The following TREM2 variants were observed in gnomAD, a reference collection of about 807,000 sequenced individuals.
TREM2 encodes triggering receptor expressed on myeloid cells 2, also known as triggering receptor expressed on monocytes 2.
TREM2 carries 20 observed loss-of-function variants against 22.9 expected under a neutral mutation model. The ratio of observed to expected loss-of-function variants is 0.87; its 90% confidence interval spans 0.61 to 1.27. The LOEUF (loss-of-function observed/expected upper bound fraction) is 1.27. TREM2 is among the 50% of genes most tolerant of loss of function. TREM2 has a pLI of 0.00. For missense variants in TREM2, 267 were observed against 289.0 expected, an observed-to-expected ratio of 0.92 and a Z score of 0.55; for synonymous variants, 111 against 120.9, an observed-to-expected ratio of 0.92 and a Z score of 0.54.
intron 3 of TREM2, among the ~76,000 whole-genome samples, chr6:41,159,412 T>A (rs1765500966): frequency 6.6e-6 from 1 of 152,176 alleles, no homozygotes; most frequent in South Asian, 2.1e-4. Context: ...CAGTCAGAAC[T>A]GATTCTGGTC....
intron 1 of TREM2, among the ~76,000 whole-genome samples, chr6:41,162,742 G>T (rs1765600305): frequency 1.3e-5 from 2 of 152,066 alleles, no homozygotes; most frequent in Admixed American, 1.3e-4. Flanking sequence ...TCCCCCAACT[G>T]CCAGCTAGTG....
In TREM2 at chr6:41,159,785, G is replaced by A. The variant is rs746496916; in HGVS notation, c.482+7C>T. 2.4e-5 allele frequency: 39 copies of A among 1,613,458 alleles called. No homozygotes were observed. The highest frequency in any genetic ancestry group is 2.7e-5 in the Non-Finnish European group (32 of 1,179,540). Reference sequence around the variant, plus strand: ...CCACGGGTTTTAGGAAAGACCCATCGCTGTACCTGGAGATGCTGTGCTCCA... The same window carrying A: ...CCACGGGTTTTAGGAAAGACCCATCACTGTACCTGGAGATGCTGTGCTCCA... On this transcript the variant is annotated splice_region_variant and intron_variant, in intron 3 of 4. Coordinates refer to ENST00000373113, the MANE Select transcript of TREM2 (RefSeq NM_018965.4).
chr6:41,161,069 G>A (rs1448926949), intron 2 of TREM2, among the ~76,000 whole-genome samples, 194 bp downstream of exon 2: 3 of 152,190 alleles, frequency 2.0e-5, no homozygotes, highest in Admixed American at 6.5e-5. Flanking sequence ...AAAGGAGTCC[G>A]GGCTGGATTT....
chr6:41,159,947 G>A (rs950036221), intron 2 of TREM2, 65 bp from the exon 3 acceptor site: 34 of 1,421,350 alleles, frequency 2.4e-5, no homozygotes, highest in South Asian at 3.5e-5. Context: ...GAACCTTGGC[G>A]GGAGAACCTT....
rs532907021 is a variant in TREM2 at position 41,160,110 on chromosome 6, G to A, written c.392-228C>T. Among the ~76,000 whole-genome samples the A allele has an allele frequency of 2.7e-4, 41 of 152,270 alleles. No homozygotes were observed. In the South Asian group the frequency reaches 4.6e-3, roughly 17 times the overall value. On this transcript the variant is annotated intron_variant, in intron 2 of 4. Transcript: ENST00000373113. Reference sequence around the variant, plus strand: ...GATTCCGTGAGGGCACCTCTGTGCCGTATCCAGCACCTCATCGGAGCTCAG... The same window carrying A: ...GATTCCGTGAGGGCACCTCTGTGCCATATCCAGCACCTCATCGGAGCTCAG...
rs774265482 is a variant in TREM2 at position 41,158,555 on chromosome 6, G to C, written c.*209C>G. On this transcript the variant is annotated 3_prime_UTR_variant, in exon 5 of 5. Transcript: ENST00000373113. ...GGATTTATTTGTAAGTGTTTAAAAT[G>C]TCCAATATTCAGAAGTTGTCAGGTG... The C allele has an allele frequency of 9.9e-6, 15 of 1,510,456 alleles. No individual in the cohort carries two copies. In the African/African-American group the frequency reaches 2.1e-4, roughly 21 times the overall value. The allele number at this position is 1,510,456 out of a possible 1,614,324, so 93.6% of individuals were successfully genotyped here.
chr6:41,160,738 G>T (rs891581990), intron 2 of TREM2, among the ~76,000 whole-genome samples: 1 of 152,196 alleles, frequency 6.6e-6, no homozygotes, highest in African/African-American at 2.4e-5. Flanking sequence ...TCCATTTACA[G>T]ATGAGAGAAT....
intron 1 of TREM2, among the ~76,000 whole-genome samples, chr6:41,162,454 C>T (rs962666269): frequency 5.9e-5 from 9 of 152,198 alleles, no homozygotes; most frequent in Admixed American, 3.9e-4. Flanking sequence ...TTGTCCAGTG[C>T]TCTGGGGGAG....
chr6:41,162,894 T>A lies in TREM2; in HGVS notation c.40+149A>T. ...GAGGGTGTGAAGAATATGGGCAGGG[T>A]GGGGAGGAGAGGAGTGCAGAACAGG... On this transcript the variant is annotated intron_variant, in intron 1 of 4. Coordinates refer to ENST00000373113, the MANE Select transcript of TREM2 (RefSeq NM_018965.4). The A allele has an allele frequency of 3.1e-6, 3 of 962,368 alleles. No individual in the cohort carries two copies. The East Asian group carries it at 7.6e-5, about 25-fold the overall frequency. 59.6% of individuals were successfully genotyped at this position (962,368 alleles called of 1,614,324 possible).
intron 3 of TREM2, 117 bp from the exon 4 acceptor site, chr6:41,159,183 C>A: frequency 7.6e-7 from 1 of 1,321,660 alleles, no homozygotes; most frequent in Admixed American, 2.0e-5. Flanking sequence ...CCACCCAGCA[C>A]CATCCCTGGG....
In TREM2 at chr6:41,159,848, C is replaced by G; in HGVS notation, c.426G>C (p.Trp142Cys). ...PLDHRDAGDL[W>C]FPGESESFED... ...CGAAGCTCTCAGACTCCCCGGGGAA[C>G]CAGAGATCTCCAGCATCCCGGTGAT... The change falls in exon 3 of 5, where the codon TGG (tryptophan) becomes TGC (cysteine). Residue 142 changes from tryptophan to cysteine, a missense_variant. By Grantham distance (215) the Trp-to-Cys change is radical. Transcript: ENST00000373113. 1.9e-6 allele frequency: 3 copies of G among 1,614,062 alleles called. No individual in the cohort carries two copies. Among genetic ancestry groups the G allele is most frequent in the Non-Finnish European group, 2.5e-6 (3 of 1,179,994 alleles).
Position 41,159,925 on chromosome 6 carries a change from G to C in TREM2, c.392-43C>G, listed in dbSNP as rs147769114. 4.2e-4 allele frequency: 660 copies of C among 1,560,064 alleles called. 4 individuals are homozygous for C. In the African/African-American group the frequency reaches 7.0e-3, roughly 17 times the overall value. Reference sequence around the variant, plus strand: ...ATGAGCCTCCAGCCCCTTCCTCCTCGAGGCAGGGGGAGAACCTTGGCGGGA... The same window carrying C: ...ATGAGCCTCCAGCCCCTTCCTCCTCCAGGCAGGGGGAGAACCTTGGCGGGA... On this transcript the variant is annotated intron_variant, in intron 2 of 4. Coordinates refer to ENST00000373113, the MANE Select transcript of TREM2 (RefSeq NM_018965.4).
Position 41,158,663 on chromosome 6 carries a change from C to A in TREM2, c.*101G>T. 6.2e-7 allele frequency: 1 copy of A among 1,610,356 alleles called. No homozygotes were observed. On this transcript the variant is annotated 3_prime_UTR_variant, in exon 5 of 5. Coordinates refer to ENST00000373113, the MANE Select transcript of TREM2 (RefSeq NM_018965.4). ...AGTGTTCAGGCAGAGTAGTCTCTTG[C>A]CAGAGCAGAACAAGGAGTCCTGGTG...
intron 1 of TREM2, among the ~76,000 whole-genome samples, chr6:41,162,828 A>G (rs1765602006): frequency 6.6e-6 from 1 of 152,090 alleles, no homozygotes; most frequent in African/African-American, 2.4e-5. Flanking sequence ...GTCCACATGC[A>G]GAAAGAGTCT....
At chr6:41,158,825 C>G in intron 4 of TREM2, 45 bp from the exon 5 acceptor site, 1 of 1,614,188 alleles carries the variant, frequency 6.2e-7, no homozygotes, top group South Asian at 1.1e-5. Context: ...GGCACCGCCT[C>G]CCATCCCTGC....
At chr6:41,160,727 C>T (rs1765542336) in intron 2 of TREM2, among the ~76,000 whole-genome samples, 2 of 152,206 alleles carry the variant, frequency 1.3e-5, no homozygotes, top group Admixed American at 1.3e-4. Flanking sequence ...ACACCACCCT[C>T]TCCATTTACA....
At chr6:41,160,558 G>A (rs746598232) in intron 2 of TREM2, among the ~76,000 whole-genome samples, 4 of 152,004 alleles carry the variant, frequency 2.6e-5, no homozygotes, top group Admixed American at 6.6e-5. Flanking sequence ...CGCAGAGCTC[G>A]GGGGTGGAAA....
chr6:41,159,094 G>A (rs138996393), intron 3 of TREM2, 28 bp from the exon 4 acceptor site: 11 of 1,597,554 alleles, frequency 6.9e-6, no homozygotes, highest in South Asian at 3.4e-5. Context: ...GCAGATGGGA[G>A]CCTTGAGATG....
chr6:41,162,733 C>A (rs74390253), intron 1 of TREM2, among the ~76,000 whole-genome samples: 2,829 of 152,194 alleles, frequency 0.019, 85 homozygotes, highest in African/African-American at 0.063. Context: ...CCCAAAGCTT[C>A]CCCCAACTGC....
Sources: gnomAD v4.1 joint callset for allele counts (sites outside exome capture counted in the v4.1 genomes callset) on GRCh38, gnomAD v4.1.1 for gene constraint, MANE v1.5 for transcripts, NCBI Gene and HGNC (gene_info 2026-07-23, HGNC 2026-07-21) for gene names.